PSMD14: variants seen among roughly 807,000 people sequenced by gnomAD.
The protein encoded by PSMD14 is ubiquitin C-terminal hydrolase PSMD14.
In PSMD14, 7 loss-of-function variants were observed where a neutral mutation model predicts 41.2. The observed-to-expected ratio is 0.17, with a 90% confidence interval of 0.10 to 0.32. PSMD14 has a LOEUF of 0.32. Ranked by LOEUF, PSMD14 falls within the 10% of genes least tolerant of loss-of-function variation. The pLI is 1.00. For synonymous variants in PSMD14, 114 were observed against 122.3 expected (o/e 0.93, Z 0.45); for missense variants, 139 against 375.6 (o/e 0.37, Z 5.21).
intron 11 of PSMD14, 81 bp downstream of exon 11, chr2:161,408,980 A>AT (rs1458393197): frequency 2.6e-6 from 3 of 1,140,742 alleles, no homozygotes; most frequent in African/African-American, 3.1e-5. Context: ...GGCCTATATA[A>AT]TTTTTTTCCT....
In PSMD14 at chr2:161,340,819, C is replaced by T. The variant is rs1238304583; in HGVS notation, c.48+21946C>T. The T allele has an allele frequency of 5.6e-6, 9 of 1,613,932 alleles. No individual in the cohort carries two copies. In the East Asian group the frequency reaches 1.8e-4, roughly 32 times the overall value. ...GGACGCTAAGGATAACTTCGTTATT[C>T]TTCAGTTCTCTGCTCCTCCTCCAGC... On this transcript the variant is annotated intron_variant, in intron 3 of 11. Transcript: ENST00000409682.
intron 2 of PSMD14, among the ~76,000 whole-genome samples, chr2:161,318,378 CA>C (rs1689168044): frequency 6.6e-6 from 1 of 152,072 alleles, no homozygotes; most frequent in South Asian, 2.1e-4. Context: ...AGTTAATTAG[CA>C]CAGAACTTAC....
intron 3 of PSMD14, among the ~76,000 whole-genome samples, chr2:161,334,864 G>A (rs917878644): frequency 2.0e-4 from 30 of 152,218 alleles, no homozygotes; most frequent in African/African-American, 6.8e-4. Context: ...CACGCCTGCC[G>A]TTTGATGTGT....
chr2:161,329,119 G>A (rs1682750667), intron 3 of PSMD14, among the ~76,000 whole-genome samples: 1 of 152,042 alleles, frequency 6.6e-6, no homozygotes, highest in African/African-American at 2.4e-5. Context: ...TGAGTGAGTT[G>A]GGAAGCTATT....
At chr2:161,410,885 C>G (rs1365059024) in intron 11 of PSMD14, among the ~76,000 whole-genome samples, 1 of 151,938 alleles carries the variant, frequency 6.6e-6, no homozygotes, top group African/African-American at 2.4e-5. Context: ...GAACTCTTAC[C>G]CTTTGGTATG....
At chr2:161,407,740 C>G (rs1305079280) in intron 10 of PSMD14, 1 of 151,992 alleles carries the variant, frequency 6.6e-6, no homozygotes, top group African/African-American at 2.4e-5. Context: ...TTTTGGTTCC[C>G]TGCTTTCTGC....
At position 161,371,268 on chromosome 2, in the gene PSMD14, G is replaced by T. The variant is rs764300080; in HGVS notation, c.408G>T (p.Leu136Phe). 6.2e-7 allele frequency: 1 copy of T among 1,612,242 alleles called. No homozygotes were observed. The highest frequency in any genetic ancestry group is 8.5e-7 in the Non-Finnish European group (1 of 1,178,990). Residue 136 changes from leucine to phenylalanine, a missense_variant, in exon 7 of 12, where the codon TTG becomes TTT. By Grantham distance (22) the Leu-to-Phe change is conservative (BLOSUM62 0). Coordinates refer to ENST00000409682, the MANE Select transcript of PSMD14 (RefSeq NM_005805.6). ...DINTQQSFEALSERAVAVVVD... is the reference protein window; with the variant it reads ...DINTQQSFEAFSERAVAVVVD... ...ACACTCAGCAGAGCTTTGAAGCCTTGTCGGAGAGAGCTGTGGCAGTGGTTG... is the reference window on the plus strand; with the variant it reads ...ACACTCAGCAGAGCTTTGAAGCCTTTTCGGAGAGAGCTGTGGCAGTGGTTG...
chr2:161,401,209 C>T (rs1013964096), intron 10 of PSMD14, among the ~76,000 whole-genome samples: 13 of 152,170 alleles, frequency 8.5e-5, no homozygotes, highest in Admixed American at 3.3e-4. Flanking sequence ...TAGCTTACTT[C>T]GTTGTAACAA....
intron 3 of PSMD14, chr2:161,340,722 C>T: frequency 5.0e-6 from 8 of 1,595,208 alleles, no homozygotes; most frequent in Non-Finnish European, 6.8e-6. Context: ...TGGGCGCCTG[C>T]CCAGACTCCT....
At position 161,383,661 on chromosome 2, in the gene PSMD14, AG is replaced by A. The variant is rs369993189; in HGVS notation, c.463-1802del. ...TATAATGAAATTTTCATAATTTTGT[AG>A]TAGCTTTTTCTCCCTCTCACAAATG... On this transcript the variant is annotated intron_variant, in intron 7 of 11. Coordinates refer to ENST00000409682, the MANE Select transcript of PSMD14 (RefSeq NM_005805.6). 2.1e-4 allele frequency: 32 copies of A among 151,742 alleles called. 2 individuals are homozygous for A. The South Asian group carries it at 6.6e-3, about 31-fold the overall frequency. The allele number at this position is 151,742 out of a possible 1,614,324, so 9.4% of individuals were successfully genotyped here.
Position 161,326,592 on chromosome 2 carries a change from T to G in PSMD14, c.48+7719T>G, listed in dbSNP as rs116122913. 8.1e-3 allele frequency among the ~76,000 whole-genome samples: 1,237 copies of G among 152,304 alleles called. 18 individuals are homozygous for G. The highest frequency in any genetic ancestry group is 0.028 in the African/African-American group (1,146 of 41,564). On this transcript the variant is annotated intron_variant, in intron 3 of 11. Coordinates refer to ENST00000409682, the MANE Select transcript of PSMD14 (RefSeq NM_005805.6). ...AATTGAAAGCAGAGACTCCAACAGATGTTTGTACACCAATATTCTTAGCAG... is the reference window on the plus strand; with the variant it reads ...AATTGAAAGCAGAGACTCCAACAGAGGTTTGTACACCAATATTCTTAGCAG...
At chr2:161,342,707 TAA>T (rs1470278849) in intron 3 of PSMD14, among the ~76,000 whole-genome samples, 2 of 152,190 alleles carry the variant, frequency 1.3e-5, no homozygotes, top group African/African-American at 4.8e-5. Context: ...TGAATGTCGT[TAA>T]GTTTAAATCT....
chr2:161,359,738 G>A (rs1166079369), intron 3 of PSMD14, among the ~76,000 whole-genome samples: 1 of 152,076 alleles, frequency 6.6e-6, no homozygotes, highest in Non-Finnish European at 1.5e-5. Flanking sequence ...GGTGGCAGAG[G>A]ATTCTAAAAT....
chr2:161,347,050 A>G (rs779538072), intron 3 of PSMD14, among the ~76,000 whole-genome samples: 1 of 152,198 alleles, frequency 6.6e-6, no homozygotes, highest in East Asian at 1.9e-4. Flanking sequence ...ATCTCAACTC[A>G]GAGAGTCTAC....
chr2:161,388,812 G>A (rs559395607), intron 8 of PSMD14, among the ~76,000 whole-genome samples: 1 of 152,274 alleles, frequency 6.6e-6, no homozygotes, highest in South Asian at 2.1e-4. Context: ...TAAGCCGTGT[G>A]TTTTATAATG....
intron 7 of PSMD14, among the ~76,000 whole-genome samples, chr2:161,379,366 CAGG>C (rs1683544779): frequency 6.6e-6 from 1 of 151,928 alleles, no homozygotes; most frequent in South Asian, 2.1e-4. Flanking sequence ...ACCGATCATG[CAGG>C]AGTAGTATCA....
intron 8 of PSMD14, among the ~76,000 whole-genome samples, chr2:161,387,335 G>T (rs543600215): frequency 4.6e-5 from 7 of 152,148 alleles, no homozygotes; most frequent in African/African-American, 1.7e-4. Context: ...TTTATTTTAT[G>T]TTAGCAGGAT....
intron 3 of PSMD14, among the ~76,000 whole-genome samples, chr2:161,334,415 T>G (rs532020002): frequency 2.0e-5 from 3 of 152,358 alleles, no homozygotes; most frequent in Non-Finnish European, 2.9e-5. Flanking sequence ...GGTTTGTGTG[T>G]TGTTCTCTCT....
chr2:161,376,442 A>G (rs536144146), intron 7 of PSMD14, among the ~76,000 whole-genome samples: 18 of 152,082 alleles, frequency 1.2e-4, no homozygotes, highest in African/African-American at 4.3e-4. Flanking sequence ...AATATTAAAA[A>G]AATAGAATGT....
Sources: allele counts gnomAD v4.1 joint callset (sites outside exome capture counted in the v4.1 genomes callset), GRCh38; gene constraint gnomAD v4.1.1; transcripts MANE v1.5; gene names NCBI Gene and HGNC (gene_info 2026-07-23, HGNC 2026-07-21).